Variants in SNX29 observed in about 807,000 individuals in gnomAD.
The protein encoded by SNX29 is sorting nexin-29.
Under a neutral mutation model 102.1 loss-of-function variants are expected in SNX29, and 78 were observed. The observed-to-expected ratio is 0.76, with a 90% CI of 0.64 to 0.92. SNX29 has a LOEUF of 0.92. SNX29 is among the 40% of genes least tolerant of loss of function. The pLI is 0.00. For missense variants in SNX29, 1,280 were observed against 1,061.7 expected (o/e 1.21, Z -2.86); for synonymous variants, 580 against 414.5 (o/e 1.40, Z -4.85).
intron 20 of SNX29, among the ~76,000 whole-genome samples, chr16:12,552,107 A>T (rs997929535): frequency 2.6e-5 from 4 of 152,204 alleles, no homozygotes; most frequent in African/African-American, 9.6e-5. Context: ...CAGTGAGTGT[A>T]ACCATGGCTG....
intron 1 of SNX29, among the ~76,000 whole-genome samples, chr16:11,992,994 T>C (rs891371498): frequency 6.6e-6 from 1 of 151,810 alleles, no homozygotes; most frequent in African/African-American, 2.4e-5. Context: ...AAACCCCATC[T>C]CTACTAAAAA....
At chr16:12,526,540 G>A (rs919587326) in intron 20 of SNX29, 1 of 521,630 alleles carries the variant, frequency 1.9e-6, no homozygotes, top group Admixed American at 2.3e-5. Context: ...TCTTTTATTT[G>A]TAATGCCAGG....
At chr16:12,503,200 T>A (rs1000723669) in intron 19 of SNX29, among the ~76,000 whole-genome samples, 1 of 150,846 alleles carries the variant, frequency 6.6e-6, no homozygotes, top group Non-Finnish European at 1.5e-5. Flanking sequence ...GCTGCCTCAC[T>A]CCTTCCAGTT....
At position 12,048,569 on chromosome 16, in the gene SNX29, C is replaced by G. The variant is rs200913179; in HGVS notation, c.697C>G (p.Pro233Ala). 1.2e-6 allele frequency: 2 copies of G among 1,613,972 alleles called. No homozygotes were observed. Among genetic ancestry groups the G allele is most frequent in the Non-Finnish European group, 1.7e-6 (2 of 1,179,870 alleles). The part of the protein sequence containing the change: ...ASSAVSILIK[P>A]EQETDPLPVV... ...CTCTGCCGTCTCCATCCTCATCAAA[C>G]CTGAACAGGAGACCGACCCCTTGCC... is the stretch of plus-strand genomic sequence containing the variant. Residue 233 changes from proline to alanine, a missense_variant, in exon 7 of 21, where the codon CCT becomes GCT. Coordinates refer to ENST00000566228, the MANE Select transcript of SNX29 (RefSeq NM_032167.5).
chr16:12,445,921 G>C (rs1434782447), intron 18 of SNX29, among the ~76,000 whole-genome samples: 1 of 152,200 alleles, frequency 6.6e-6, no homozygotes, highest in Non-Finnish European at 1.5e-5. Context: ...CACTAAGCTA[G>C]TAAATGTGTG....
chr16:12,196,578 G>C (rs1254593418), intron 13 of SNX29, among the ~76,000 whole-genome samples: 1 of 151,462 alleles, frequency 6.6e-6, no homozygotes. Flanking sequence ...CTCTGCCACA[G>C]TCCACATTGG....
At chr16:12,062,576 A>G (rs953705845) in intron 9 of SNX29, among the ~76,000 whole-genome samples, 1 of 152,210 alleles carries the variant, frequency 6.6e-6, no homozygotes, top group Non-Finnish European at 1.5e-5. Context: ...CTGGCACAGC[A>G]TCTGGCTCAG....
intron 19 of SNX29, among the ~76,000 whole-genome samples, chr16:12,490,531 G>A (rs181278661): frequency 7.2e-4 from 109 of 152,310 alleles, no homozygotes; most frequent in Admixed American, 1.8e-3. Context: ...TTCTTCTGCT[G>A]GCTCTGAGCC....
At chr16:11,980,227 C>T (rs1369860351) in intron 1 of SNX29, among the ~76,000 whole-genome samples, 1 of 152,118 alleles carries the variant, frequency 6.6e-6, no homozygotes, top group Non-Finnish European at 1.5e-5. Context: ...CTGGATGTGC[C>T]TGTTGTGGGT....
intron 3 of SNX29, among the ~76,000 whole-genome samples, chr16:12,017,376 C>T (rs1010507698): frequency 1.3e-5 from 2 of 152,060 alleles, no homozygotes; most frequent in African/African-American, 4.8e-5. Flanking sequence ...ATTTCTTCAC[C>T]TTCTGTGCTT....
intron 15 of SNX29, among the ~76,000 whole-genome samples, chr16:12,341,032 C>T (rs573329132): frequency 3.3e-5 from 5 of 152,232 alleles, no homozygotes; most frequent in African/African-American, 4.8e-5. Context: ...CTTGAAGAGA[C>T]GTGATGATTA....
intron 13 of SNX29, among the ~76,000 whole-genome samples, chr16:12,129,986 CCCAGCTA>C (rs2054387070): frequency 6.6e-6 from 1 of 150,958 alleles, no homozygotes; most frequent in Non-Finnish European, 1.5e-5. Context: ...TGCCTGTAGT[CCCAGCTA>C]CTTGGGAGGC....
chr16:12,226,897 G>A (rs1232607785), intron 14 of SNX29, among the ~76,000 whole-genome samples: 4 of 152,096 alleles, frequency 2.6e-5, no homozygotes, highest in Non-Finnish European at 5.9e-5. Context: ...GGTTTTGGTG[G>A]CATTTATGTA....
intron 19 of SNX29, among the ~76,000 whole-genome samples, chr16:12,483,332 T>C (rs1317523590): frequency 6.7e-6 from 1 of 150,020 alleles, no homozygotes; most frequent in African/African-American, 2.5e-5. Context: ...TTTTTTTTTT[T>C]TTCCAGACGG....
chr16:12,166,821 C>T (rs1195058743), intron 13 of SNX29, among the ~76,000 whole-genome samples: 4 of 152,192 alleles, frequency 2.6e-5, no homozygotes, highest in Admixed American at 6.5e-5. Flanking sequence ...CAGCAGATCT[C>T]GTGTCCAACT....
intron 1 of SNX29, among the ~76,000 whole-genome samples, chr16:11,984,406 A>G (rs950660084): frequency 6.6e-6 from 1 of 150,398 alleles, no homozygotes; most frequent in Non-Finnish European, 1.5e-5. Context: ...TGAGACTGAT[A>G]TAGGCTGCAG....
At position 12,381,923 on chromosome 16, in the gene SNX29, C is replaced by G. The variant is rs544581067; in HGVS notation, c.1900-16523C>G. ...CCCGTCATCCATCTACCCACCCCAC[C>G]CACACATCCGGCATTTCTAAGAGCT... On this transcript the variant is annotated intron_variant, in intron 16 of 20. Coordinates refer to ENST00000566228, the MANE Select transcript of SNX29 (RefSeq NM_032167.5). 2.6e-5 allele frequency among the ~76,000 whole-genome samples: 4 copies of G among 151,030 alleles called. No individual in the cohort carries two copies. In the South Asian group the frequency reaches 6.3e-4, roughly 24 times the overall value.
chr16:12,313,375 C>G (rs937717286), intron 15 of SNX29, among the ~76,000 whole-genome samples: 1 of 152,112 alleles, frequency 6.6e-6, no homozygotes, highest in Non-Finnish European at 1.5e-5. Flanking sequence ...GATAATTATG[C>G]CTACACCCTG....
chr16:12,044,641 C>T (rs1367129977), intron 5 of SNX29, among the ~76,000 whole-genome samples: 6 of 152,138 alleles, frequency 3.9e-5, no homozygotes, highest in Non-Finnish European at 7.4e-5. Flanking sequence ...TGTAGTGGCG[C>T]GACCTTGGCT....
Sources: allele counts gnomAD v4.1 joint callset (sites outside exome capture counted in the v4.1 genomes callset), GRCh38; gene constraint gnomAD v4.1.1; transcripts MANE v1.5; gene names NCBI Gene and HGNC (gene_info 2026-07-23, HGNC 2026-07-21).